The following MBD5 variants were observed in gnomAD, a reference collection of about 807,000 sequenced individuals.
MBD5 encodes methyl-CpG-binding domain protein 5.
In MBD5, 13 loss-of-function variants were observed where a neutral mutation model predicts 117.3. The observed-to-expected ratio is 0.11, with a 90% CI of 0.07 to 0.18. The LOEUF is 0.18. MBD5 is among the 10% of genes least tolerant of loss of function. The pLI, the probability that MBD5 is intolerant of heterozygous loss-of-function variation, is 1.00. For missense variants in MBD5, 1,879 were observed against 2,093.8 expected (o/e 0.90, Z 2.00); for synonymous variants, 727 against 766.4 (o/e 0.95, Z 0.85).
chr2:148,368,002 T>C (rs1200170245), intron 4 of MBD5, among the ~76,000 whole-genome samples: 1 of 152,194 alleles, frequency 6.6e-6, no homozygotes, highest in African/African-American at 2.4e-5. Flanking sequence ...TTATAAATCA[T>C]TCTACTATAA....
Position 148,035,394 on chromosome 2 carries a change from GTTAATC to G in MBD5, c.-925+13715_-925+13720del, listed in dbSNP as rs374976366. ...TCTTTTTTTAGAAATAAAATTATCT[GTTAATC>G]TTAAAGCTATTTTAAAGCTTTCTTG... On this transcript the variant is annotated intron_variant, in intron 1 of 13. Coordinates refer to ENST00000642680, the MANE Select transcript of MBD5 (RefSeq NM_001378120.1). Among the ~76,000 whole-genome samples the G allele has an allele frequency of 9.2e-5, 14 of 152,154 alleles. 1 individual carries two copies. Among genetic ancestry groups the G allele is most frequent in the Admixed American group, 7.2e-4 (11 of 15,272 alleles).
chr2:148,064,109 C>T (rs955302752), intron 1 of MBD5, among the ~76,000 whole-genome samples: 39 of 150,366 alleles, frequency 2.6e-4, no homozygotes, highest in Non-Finnish European at 1.9e-4. Context: ...ACATACTATT[C>T]CCACCAGCTG....
At chr2:148,489,269 TTTCC>T in intron 10 of MBD5, 113 bp from the exon 11 acceptor site, 2 of 1,264,698 alleles carry the variant, frequency 1.6e-6, no homozygotes, top group South Asian at 2.6e-5. Flanking sequence ...GTTCTTTATA[TTTCC>T]TTCCTTGTTA....
chr2:148,412,272 T>TTGTGTGTGTGTGTGTGTGTGTGTGTG (rs59209677), intron 4 of MBD5, among the ~76,000 whole-genome samples: 2 of 144,480 alleles, frequency 1.4e-5, no homozygotes, highest in Admixed American at 6.9e-5. Flanking sequence ...AGTATACTTT[T>TTGTGTGTGTGTGTGTGTGTGTGTGTG]TGTGTGTGTG....
chr2:148,274,309 C>T (rs1412994320), intron 3 of MBD5, among the ~76,000 whole-genome samples: 2 of 152,080 alleles, frequency 1.3e-5, no homozygotes, highest in Non-Finnish European at 2.9e-5. Context: ...ATAGACGTGC[C>T]ATGGTGGTTT....
intron 4 of MBD5, among the ~76,000 whole-genome samples, chr2:148,394,806 C>T (rs575338469): frequency 1.3e-5 from 2 of 152,026 alleles, no homozygotes; most frequent in African/African-American, 2.4e-5. Context: ...AGATGCTTAA[C>T]TCATTTAATT....
intron 2 of MBD5, among the ~76,000 whole-genome samples, chr2:148,184,988 G>A (rs1698618825): frequency 2.0e-5 from 3 of 152,218 alleles, no homozygotes; most frequent in Admixed American, 2.0e-4. Context: ...GGAAAGGGCA[G>A]AGAAATTACT....
At chr2:148,376,798 T>A (rs1395954349) in intron 4 of MBD5, among the ~76,000 whole-genome samples, 3 of 132,616 alleles carry the variant, frequency 2.3e-5, no homozygotes, top group African/African-American at 8.4e-5. Flanking sequence ...ATATATAATT[T>A]TATATATAAT....
intron 4 of MBD5, among the ~76,000 whole-genome samples, chr2:148,414,873 C>G (rs1215510492): frequency 6.6e-6 from 1 of 152,010 alleles, no homozygotes; most frequent in East Asian, 1.9e-4. Flanking sequence ...TGAGATGGGT[C>G]TCTTGAAGAC....
chr2:148,224,013 C>T (rs919021798), intron 2 of MBD5, among the ~76,000 whole-genome samples: 1 of 152,046 alleles, frequency 6.6e-6, no homozygotes, highest in Non-Finnish European at 1.5e-5. Flanking sequence ...GTTTAATTTC[C>T]ATGTATTTGT....
At chr2:148,304,931 G>A (rs950223994) in intron 3 of MBD5, among the ~76,000 whole-genome samples, 4 of 151,344 alleles carry the variant, frequency 2.6e-5, no homozygotes, top group African/African-American at 9.7e-5. Flanking sequence ...CGGGCGTAGT[G>A]GCGGGCGCCT....
intron 4 of MBD5, among the ~76,000 whole-genome samples, chr2:148,396,397 G>A (rs1559053693): frequency 6.6e-6 from 1 of 152,194 alleles, no homozygotes; most frequent in Non-Finnish European, 1.5e-5. Context: ...ATTCATGGCA[G>A]CTTTCTTCCA....
At chr2:148,040,759 T>C (rs2105675685) in intron 1 of MBD5, among the ~76,000 whole-genome samples, 2 of 152,290 alleles carry the variant, frequency 1.3e-5, no homozygotes, top group Admixed American at 1.3e-4. Context: ...TGCGTGCGTT[T>C]TTCTCCTAGG....
intron 1 of MBD5, among the ~76,000 whole-genome samples, chr2:148,135,170 C>T (rs956860713): frequency 1.3e-5 from 2 of 152,174 alleles, no homozygotes; most frequent in Non-Finnish European, 2.9e-5. Context: ...AAGATTTTCT[C>T]TTAATCTTTA....
At chr2:148,444,993 T>C (rs372597190) in intron 4 of MBD5, among the ~76,000 whole-genome samples, 2 of 151,204 alleles carry the variant, frequency 1.3e-5, no homozygotes, top group East Asian at 3.9e-4. Flanking sequence ...TTGACCTTGT[T>C]TCCACATCCC....
chr2:148,441,163 G>A (rs550487487), intron 4 of MBD5, among the ~76,000 whole-genome samples: 3 of 151,902 alleles, frequency 2.0e-5, no homozygotes. Flanking sequence ...GTGCAGGTTT[G>A]TTACATATGT....
intron 2 of MBD5, 103 bp from the exon 3 acceptor site, chr2:148,233,142 T>G (rs992544028): frequency 6.6e-6 from 1 of 152,222 alleles, no homozygotes; most frequent in African/African-American, 2.4e-5. Flanking sequence ...TAAATGAGAC[T>G]GCATAAAAAT....
chr2:148,038,661 TAA>T (rs1694267008), intron 1 of MBD5, among the ~76,000 whole-genome samples: 1 of 151,878 alleles, frequency 6.6e-6, no homozygotes, highest in African/African-American at 2.4e-5. Context: ...TATCTGATAA[TAA>T]AAGAGTTTAT....
chr2:148,511,882 G>A (rs1012879609), intron 13 of MBD5, among the ~76,000 whole-genome samples: 1 of 152,168 alleles, frequency 6.6e-6, no homozygotes, highest in African/African-American at 2.4e-5. Context: ...GCCCTTTGCT[G>A]CTGTCTAAAC....
Sources: gnomAD v4.1 joint callset for allele counts (sites outside exome capture counted in the v4.1 genomes callset) on GRCh38, gnomAD v4.1.1 for gene constraint, MANE v1.5 for transcripts, NCBI Gene and HGNC (gene_info 2026-07-23, HGNC 2026-07-21) for gene names.